RAB38: variants seen among roughly 807,000 people sequenced by gnomAD.
RAB38 encodes the protein RAB38, member RAS oncogene family, also known as ras-related protein Rab-38.
RAB38 carries 15 observed loss-of-function variants against 18.4 expected under a neutral mutation model. That is an observed-to-expected ratio of 0.82 (90% CI 0.55 to 1.26). RAB38 has a LOEUF of 1.26. RAB38 is among the 50% of genes most tolerant of loss of function. The pLI, the probability that RAB38 is intolerant of heterozygous loss-of-function variation, is 0.00. For synonymous variants in RAB38, 101 were observed against 104.4 expected, an observed-to-expected ratio of 0.97 and a Z score of 0.20; for missense variants, 294 against 267.4, an observed-to-expected ratio of 1.10 and a Z score of -0.69.
the RAB38 span, among the ~76,000 whole-genome samples, chr11:87,813,374 T>A: frequency 1.4e-4 from 21 of 152,130 alleles, no homozygotes; most frequent in Admixed American, 1.3e-3. Flanking sequence ...TAAGATTACT[T>A]TCTCTCCTTT....
the RAB38 span, among the ~76,000 whole-genome samples, chr11:87,976,390 T>C: frequency 7.2e-6 from 1 of 139,514 alleles, no homozygotes; most frequent in Non-Finnish European, 1.5e-5. Flanking sequence ...AATATTTATA[T>C]ATACACATAT....
At chr11:88,106,736 T>A in the RAB38 span, among the ~76,000 whole-genome samples, 1 of 152,308 alleles carries the variant, frequency 6.6e-6, no homozygotes, top group Non-Finnish European at 1.5e-5. Flanking sequence ...TTTACCCTTG[T>A]CTTCAAGACT....
intron 2 of RAB38, among the ~76,000 whole-genome samples, chr11:88,148,835 C>T (rs1226818558): frequency 1.3e-5 from 2 of 152,084 alleles, no homozygotes; most frequent in Non-Finnish European, 2.9e-5. Flanking sequence ...TATATGCACA[C>T]ACACAAAAAT....
chr11:87,893,385 TA>T, the RAB38 span, among the ~76,000 whole-genome samples: 4 of 39,236 alleles, frequency 1.0e-4, no homozygotes, highest in Admixed American at 9.6e-4. Flanking sequence ...TATATATATA[TA>T]TATATTTTTT....
At chr11:87,879,104 A>G in the RAB38 span, among the ~76,000 whole-genome samples, 1 of 150,208 alleles carries the variant, frequency 6.7e-6, no homozygotes, top group East Asian at 2.0e-4. Context: ...TTGCTTTTTC[A>G]TTGTGGAAAT....
the RAB38 span, among the ~76,000 whole-genome samples, chr11:88,040,368 T>C: frequency 4.6e-5 from 7 of 152,164 alleles, no homozygotes; most frequent in Non-Finnish European, 1.0e-4. Context: ...CCAGTCATAT[T>C]GGATTATGGT....
the RAB38 span, among the ~76,000 whole-genome samples, chr11:87,941,214 GATATATATAT>G: frequency 0.024 from 1,507 of 62,588 alleles, 97 homozygotes; most frequent in South Asian, 0.099. Flanking sequence ...AAATATATGA[GATATATATAT>G]ATATATATAT....
chr11:87,848,880 C>A, the RAB38 span, among the ~76,000 whole-genome samples: 2 of 151,936 alleles, frequency 1.3e-5, no homozygotes, highest in Admixed American at 6.6e-5. Flanking sequence ...ATTATTAATT[C>A]TTTATTCACA....
At chr11:87,946,651 T>C in the RAB38 span, among the ~76,000 whole-genome samples, 1 of 152,172 alleles carries the variant, frequency 6.6e-6, no homozygotes, top group Non-Finnish European at 1.5e-5. Flanking sequence ...TTTGGTTTTT[T>C]GTCCTTGCAA....
At chr11:88,028,773 A>G in the RAB38 span, among the ~76,000 whole-genome samples, 7 of 152,340 alleles carry the variant, frequency 4.6e-5, no homozygotes, top group South Asian at 4.1e-4. Context: ...TGAAAGTGAC[A>G]GGGAGAATGG....
the RAB38 span, among the ~76,000 whole-genome samples, chr11:87,918,324 T>C: frequency 6.6e-6 from 1 of 152,172 alleles, no homozygotes; most frequent in Non-Finnish European, 1.5e-5. Flanking sequence ...ATCATGGCTA[T>C]TATGAATAAT....
chr11:87,823,438 C>G, the RAB38 span, among the ~76,000 whole-genome samples: 1 of 150,478 alleles, frequency 6.6e-6, no homozygotes, highest in Non-Finnish European at 1.5e-5. Flanking sequence ...TATGAAAATT[C>G]AATGGATGTA....
the RAB38 span, chr11:88,060,140 G>A: frequency 3.5e-4 from 54 of 152,278 alleles, no homozygotes; most frequent in African/African-American, 1.3e-3. Context: ...CCACCAACAG[G>A]AGACATGAGA....
the RAB38 span, among the ~76,000 whole-genome samples, chr11:87,961,171 A>G: frequency 0.025 from 3,748 of 152,192 alleles, 136 homozygotes; most frequent in African/African-American, 0.076. Flanking sequence ...CCTTTCAGCT[A>G]GAGTGCTGGG....
chr11:88,121,803 C>G (rs1269461502), intron 2 of RAB38, among the ~76,000 whole-genome samples: 1 of 152,036 alleles, frequency 6.6e-6, no homozygotes, highest in African/African-American at 2.4e-5. Flanking sequence ...ACCTCGGGAT[C>G]TGCTCACCTC....
chr11:88,174,069 T>C, intron 1 of RAB38: 5 of 985,410 alleles, frequency 5.1e-6, no homozygotes, highest in Non-Finnish European at 6.0e-6. Context: ...GAAATAAGAC[T>C]GTTTGAAGTT....
chr11:87,956,414 G>A, the RAB38 span, among the ~76,000 whole-genome samples: 1 of 152,040 alleles, frequency 6.6e-6, no homozygotes, highest in African/African-American at 2.4e-5. Flanking sequence ...TTAAATTCTT[G>A]GGTCCTCGCC....
the RAB38 span, among the ~76,000 whole-genome samples, chr11:87,931,723 G>T: frequency 2.0e-5 from 3 of 152,122 alleles, no homozygotes; most frequent in Non-Finnish European, 4.4e-5. Context: ...AAATTAACAA[G>T]TGTATTAAGA....
chr11:88,109,494 T>C (rs1489491276), downstream of RAB38, among the ~76,000 whole-genome samples: 4 of 152,186 alleles, frequency 2.6e-5, no homozygotes, highest in East Asian at 7.7e-4. Context: ...CCAAAAGCAA[T>C]GGCAACAAAA....
Sources: allele counts gnomAD v4.1 joint callset (sites outside exome capture counted in the v4.1 genomes callset), GRCh38; gene constraint gnomAD v4.1.1; transcripts MANE v1.5; gene names NCBI Gene and HGNC (gene_info 2026-07-23, HGNC 2026-07-21).